CTNNA2: variants seen among roughly 807,000 people sequenced by gnomAD.
CTNNA2 encodes catenin alpha 2, also known as catenin alpha-2.
A neutral mutation model predicts 101.0 loss-of-function variants in CTNNA2; 42 were observed. The ratio of observed to expected loss-of-function variants is 0.42; its 90% CI spans 0.32 to 0.54. CTNNA2 has a LOEUF of 0.54. CTNNA2 is among the 20% of genes least tolerant of loss of function. The probability of loss-of-function intolerance (pLI) is 0.14; values close to 1 mark genes in which losing one functional copy is unlikely to be tolerated. For missense variants in CTNNA2, 871 were observed against 1,223.1 expected (o/e 0.71, Z 4.29); for synonymous variants, 450 against 456.4 (o/e 0.99, Z 0.18).
chr2:79,355,134 T>C (rs1186592349), intron 3 of CTNNA2, among the ~76,000 whole-genome samples: 1 of 152,170 alleles, frequency 6.6e-6, no homozygotes, highest in Non-Finnish European at 1.5e-5. Context: ...TACCATAACC[T>C]TGTAGTATAA....
intron 7 of CTNNA2, among the ~76,000 whole-genome samples, chr2:80,139,869 T>G (rs1573199809): frequency 6.6e-6 from 1 of 152,148 alleles, no homozygotes; most frequent in East Asian, 1.9e-4. Flanking sequence ...TTGGGTGTTC[T>G]GCAAACAAAT....
chr2:80,353,831 A>G (rs1399488687), intron 7 of CTNNA2, among the ~76,000 whole-genome samples: 1 of 152,212 alleles, frequency 6.6e-6, no homozygotes, highest in Non-Finnish European at 1.5e-5. Context: ...GCAGCAAGGT[A>G]CTAAATAATA....
chr2:79,790,951 A>G (rs1462698132), intron 3 of CTNNA2, among the ~76,000 whole-genome samples: 1 of 152,198 alleles, frequency 6.6e-6, no homozygotes, highest in Non-Finnish European at 1.5e-5. Flanking sequence ...TAGAGAACAT[A>G]TATTAGCTAG....
exon 4 of CTNNA2, chr2:79,373,847 T>C (rs917207814): frequency 6.6e-6 from 1 of 152,022 alleles, no homozygotes; most frequent in Non-Finnish European, 1.5e-5. Context: ...AAATTGAGAC[T>C]CAGAGCATTT....
At chr2:80,490,429 A>C (rs1686973879) in intron 9 of CTNNA2, among the ~76,000 whole-genome samples, 1 of 152,118 alleles carries the variant, frequency 6.6e-6, no homozygotes, top group Non-Finnish European at 1.5e-5. Context: ...AGCTGTGCTA[A>C]AATAACTTTA....
chr2:79,230,549 C>T (rs1187353063), intron 2 of CTNNA2, among the ~76,000 whole-genome samples: 3 of 152,228 alleles, frequency 2.0e-5, no homozygotes, highest in Non-Finnish European at 1.5e-5. Flanking sequence ...TCATGGAGAA[C>T]TTCTGCTATG....
chr2:79,207,840 C>T (rs769697019), intron 2 of CTNNA2, among the ~76,000 whole-genome samples: 4 of 152,144 alleles, frequency 2.6e-5, no homozygotes, highest in Admixed American at 6.5e-5. Context: ...ACCATGGTGT[C>T]TCCAGCAGGA....
intron 7 of CTNNA2, among the ~76,000 whole-genome samples, chr2:80,174,877 A>G (rs551086276): frequency 2.0e-5 from 3 of 152,258 alleles, no homozygotes; most frequent in Admixed American, 6.5e-5. Context: ...TATGACCTGG[A>G]CCACCATACA....
chr2:80,393,337 G>C, intron 8 of CTNNA2, 46 bp downstream of exon 8: 1 of 1,357,506 alleles, frequency 7.4e-7, no homozygotes, highest in Non-Finnish European at 1.0e-6. Flanking sequence ...TTCAGTAGTG[G>C]TTTCCAACAA....
chr2:79,339,111 G>A (rs1174612359), intron 3 of CTNNA2, among the ~76,000 whole-genome samples: 1 of 147,718 alleles, frequency 6.8e-6, no homozygotes, highest in East Asian at 2.0e-4. Context: ...AGGTATTAGT[G>A]AGTTTCTGTA....
intron 4 of CTNNA2, among the ~76,000 whole-genome samples, chr2:79,486,676 T>G (rs1035796782): frequency 6.6e-6 from 1 of 152,212 alleles, no homozygotes; most frequent in Non-Finnish European, 1.5e-5. Flanking sequence ...ATTGAACTAG[T>G]TTACAGTCCC....
chr2:79,366,339 G>C (rs1677749948), intron 3 of CTNNA2, among the ~76,000 whole-genome samples: 1 of 152,208 alleles, frequency 6.6e-6, no homozygotes, highest in Admixed American at 6.5e-5. Context: ...GTGGAACACA[G>C]GCCGGCTAGG....
intron 18 of CTNNA2, among the ~76,000 whole-genome samples, chr2:80,638,532 G>C (rs1673109737): frequency 6.6e-6 from 1 of 152,172 alleles, no homozygotes; most frequent in Non-Finnish European, 1.5e-5. Context: ...AGGTGGCCCT[G>C]TTCCGAACTT....
intron 9 of CTNNA2, among the ~76,000 whole-genome samples, chr2:80,498,508 C>T (rs1169354809): frequency 6.6e-6 from 1 of 152,164 alleles, no homozygotes; most frequent in Admixed American, 6.5e-5. Context: ...CCCAAATGTA[C>T]ATTCTAAAGG....
rs188501908 is a variant in CTNNA2 at position 79,808,017 on chromosome 2, G to T, written c.299-49996G>T. Among the ~76,000 whole-genome samples the T allele has an allele frequency of 8.0e-3, 1,210 of 152,172 alleles. 19 individuals are homozygous for T. Among genetic ancestry groups the T allele is most frequent in the Non-Finnish European group, 0.01 (702 of 68,004 alleles). ...TCTTTAAGGACTCATCATGATCTAT[G>T]ATATTAAATTTTCCTTTACAAAAAT... On this transcript the variant is annotated intron_variant, in intron 3 of 18. Transcript: ENST00000402739.
At chr2:79,906,455 T>C (rs1343269426) in intron 6 of CTNNA2, among the ~76,000 whole-genome samples, 5 of 152,212 alleles carry the variant, frequency 3.3e-5, no homozygotes, top group Non-Finnish European at 7.3e-5. Flanking sequence ...ACATCCATCA[T>C]TGCAATGCTC....
At chr2:80,205,185 G>C (rs1573385496) in intron 7 of CTNNA2, among the ~76,000 whole-genome samples, 1 of 152,058 alleles carries the variant, frequency 6.6e-6, no homozygotes, top group Admixed American at 6.6e-5. Flanking sequence ...TGGACAATTA[G>C]CAATAACCAA....
At chr2:79,479,280 C>A (rs761042697) in intron 4 of CTNNA2, among the ~76,000 whole-genome samples, 14 of 152,126 alleles carry the variant, frequency 9.2e-5, no homozygotes, top group Non-Finnish European at 1.3e-4. Context: ...CCTTGATGGG[C>A]TGGATTTATA....
intron 3 of CTNNA2, among the ~76,000 whole-genome samples, chr2:79,825,111 C>T (rs536445631): frequency 6.6e-6 from 1 of 152,184 alleles, no homozygotes; most frequent in Admixed American, 6.5e-5. Flanking sequence ...AACGCTTGAG[C>T]CCAGGAGTTC....
Sources: gnomAD v4.1 joint callset for allele counts (sites outside exome capture counted in the v4.1 genomes callset) on GRCh38, gnomAD v4.1.1 for gene constraint, MANE v1.5 for transcripts, NCBI Gene and HGNC (gene_info 2026-07-23, HGNC 2026-07-21) for gene names.